The following KATNBL1 variants were observed in gnomAD, a reference collection of about 807,000 sequenced individuals.
KATNBL1 encodes KATNB1-like protein 1.
KATNBL1 carries 28 observed loss-of-function variants against 44.7 expected under a neutral mutation model. That is an observed-to-expected ratio of 0.63 (90% CI 0.46 to 0.86). The LOEUF is 0.86. KATNBL1 is among the 40% of genes least tolerant of loss of function. KATNBL1 has a pLI of 0.00. For missense variants in KATNBL1, 272 were observed against 350.7 expected, an observed-to-expected ratio of 0.78 and a Z score of 1.79; for synonymous variants, 78 against 114.9, an observed-to-expected ratio of 0.68 and a Z score of 2.06.
intron 1 of KATNBL1, among the ~76,000 whole-genome samples, chr15:34,177,375 T>G (rs1275990222): frequency 6.6e-6 from 1 of 152,138 alleles, no homozygotes; most frequent in African/African-American, 2.4e-5. Flanking sequence ...CTGGGAGCGG[T>G]GGCTCACACA....
chr15:34,167,690 C>G (rs568071345), intron 1 of KATNBL1, among the ~76,000 whole-genome samples: 1 of 152,244 alleles, frequency 6.6e-6, no homozygotes, highest in East Asian at 1.9e-4. Context: ...TAAGGGCAGC[C>G]AGAGAGAAAG....
chr15:34,143,584 T>C (rs1363041535), intron 9 of KATNBL1, among the ~76,000 whole-genome samples: 1 of 151,774 alleles, frequency 6.6e-6, no homozygotes, highest in African/African-American at 2.4e-5. Context: ...ATACGTCATG[T>C]ATGCTCTAAA....
intron 9 of KATNBL1, among the ~76,000 whole-genome samples, chr15:34,143,444 G>A (rs747552980): frequency 1.3e-5 from 2 of 152,060 alleles, no homozygotes; most frequent in African/African-American, 2.4e-5. Flanking sequence ...CAGCCTGGAC[G>A]ACAGAGCGAG....
rs1424309127 is a variant in KATNBL1, at chr15:34,200,363, G to A, written c.-15+9588C>T. Among the ~76,000 whole-genome samples the A allele has an allele frequency of 3.3e-5, 5 of 150,840 alleles. No homozygotes were observed. In the East Asian group the frequency reaches 5.9e-4, roughly 18 times the overall value. Reference sequence around the variant, plus strand: ...CGCCTCCCGCATTCAAGAGATTCTCGTGCCTCAGCCTCCTGAGTAGCTGGG... The same window carrying A: ...CGCCTCCCGCATTCAAGAGATTCTCATGCCTCAGCCTCCTGAGTAGCTGGG... On this transcript the variant is annotated intron_variant, in intron 1 of 9. Transcript: ENST00000256544.
In KATNBL1 at chr15:34,163,645, C is replaced by T. The variant is rs754953357; in HGVS notation, c.32G>A (p.Arg11Gln). 1.2e-5 allele frequency: 19 copies of T among 1,592,004 alleles called. No individual in the cohort carries two copies. In the South Asian group the frequency reaches 1.6e-4, roughly 14 times the overall value. The change falls in exon 2 of 10, where the codon CGG becomes CAG. Residue 11 changes from arginine to glutamine, a missense_variant. This residue lies in a region of KATNBL1 where 122 missense variants were observed against 125.0 expected (regional missense o/e 0.98). Coordinates refer to ENST00000256544, the MANE Select transcript of KATNBL1 (RefSeq NM_024713.3). MASETHNVKK[R>Q]NFCNKIEDHF... ...ATCCTCAATCTTATTACAAAAGTTC[C>T]GTTTTTTAACATTGTGGGTTTCTGA...
At chr15:34,208,653 A>G (rs550248031) in intron 1 of KATNBL1, 1 of 152,388 alleles carries the variant, frequency 6.6e-6, no homozygotes, top group Admixed American at 6.5e-5. Flanking sequence ...CATAAAGCTT[A>G]TGAACTCCAT....
chr15:34,206,296 GGAGA>G (rs1184094989), intron 1 of KATNBL1, among the ~76,000 whole-genome samples: 3 of 152,280 alleles, frequency 2.0e-5, no homozygotes, highest in East Asian at 3.9e-4. Flanking sequence ...TAAAACTGAA[GGAGA>G]GAGAGGTAGT....
chr15:34,209,126 C>G (rs1567543056), intron 1 of KATNBL1: 2 of 152,178 alleles, frequency 1.3e-5, no homozygotes, highest in South Asian at 4.1e-4. Flanking sequence ...AAGTAAAAGC[C>G]TCAATGGATG....
intron 1 of KATNBL1, among the ~76,000 whole-genome samples, chr15:34,204,069 A>G (rs901987991): frequency 1.3e-5 from 2 of 149,980 alleles, no homozygotes; most frequent in African/African-American, 2.4e-5. Context: ...CACTCCCATT[A>G]CCTTACCTCT....
chr15:34,142,872 C>G (rs900828635), intron 9 of KATNBL1: 2 of 336,934 alleles, frequency 5.9e-6, no homozygotes, highest in Admixed American at 8.3e-5. Context: ...CCACCACGCC[C>G]GGCTAATTTT....
intron 1 of KATNBL1, among the ~76,000 whole-genome samples, chr15:34,188,383 C>G (rs1350239664): frequency 6.6e-6 from 1 of 151,658 alleles, no homozygotes; most frequent in Non-Finnish European, 1.5e-5. Flanking sequence ...TGATGAAAAC[C>G]CGTCTGTACT....
At chr15:34,209,113 G>A (rs1890366427) in intron 1 of KATNBL1, 1 of 152,270 alleles carries the variant, frequency 6.6e-6, no homozygotes, top group South Asian at 2.1e-4. Context: ...TTAGTTATTA[G>A]CCAAGTAAAA....
At chr15:34,182,547 G>A (rs778777572) in intron 1 of KATNBL1, among the ~76,000 whole-genome samples, 30 of 152,008 alleles carry the variant, frequency 2.0e-4, no homozygotes, top group Non-Finnish European at 4.1e-4. Context: ...TGGGACAATA[G>A]GCATAAATCA....
chr15:34,144,091 GA>G (rs1246689975), intron 9 of KATNBL1, among the ~76,000 whole-genome samples: 10 of 147,440 alleles, frequency 6.8e-5, no homozygotes, highest in African/African-American at 2.5e-4. Flanking sequence ...TTTTTTGGGA[GA>G]GGGGCCATGG....
At chr15:34,145,653 T>C in intron 8 of KATNBL1, 162 bp from the exon 9 acceptor site, 1 of 581,088 alleles carries the variant, frequency 1.7e-6, no homozygotes, top group Non-Finnish European at 2.4e-6. Flanking sequence ...GGAGAGAAAT[T>C]AAAAAAAAAT....
intron 1 of KATNBL1, among the ~76,000 whole-genome samples, chr15:34,179,936 A>G (rs2140963679): frequency 6.6e-6 from 1 of 152,358 alleles, no homozygotes; most frequent in East Asian, 1.9e-4. Context: ...AAACAAGCAA[A>G]AAAGGTGGAA....
At chr15:34,160,439 G>C (rs369069973) in intron 2 of KATNBL1, among the ~76,000 whole-genome samples, 1 of 152,162 alleles carries the variant, frequency 6.6e-6, no homozygotes, top group Admixed American at 6.5e-5. Flanking sequence ...CCAACTATTA[G>C]TTACAAAATG....
chr15:34,143,125 CCAAT>C, intron 9 of KATNBL1: 2 of 699,800 alleles, frequency 2.9e-6, no homozygotes, highest in Admixed American at 6.0e-5. Context: ...AATATTGTCC[CCAAT>C]AATAAATGGT....
chr15:34,207,468 A>G (rs1344058656), intron 1 of KATNBL1, among the ~76,000 whole-genome samples: 1 of 152,140 alleles, frequency 6.6e-6, no homozygotes, highest in Non-Finnish European at 1.5e-5. Flanking sequence ...TCAGCCTCCC[A>G]AAGTGCTAGG....
Sources: gnomAD v4.1 joint callset for allele counts (sites outside exome capture counted in the v4.1 genomes callset) on GRCh38, gnomAD v4.1.1 for gene constraint, gnomAD v4.1.1 regional missense constraint, MANE v1.5 for transcripts, NCBI Gene and HGNC (gene_info 2026-07-23, HGNC 2026-07-21) for gene names.